Variants in CACNA2D3 observed in about 807,000 individuals in gnomAD.
The protein encoded by CACNA2D3 is voltage-dependent calcium channel subunit alpha-2/delta-3.
Under a neutral mutation model 160.6 loss-of-function variants are expected in CACNA2D3, and 60 were observed. The ratio of observed to expected loss-of-function variants is 0.37; its 90% CI spans 0.30 to 0.46. The LOEUF is 0.46. Among genes scored for constraint, CACNA2D3 ranks in the 20% least tolerant of loss-of-function variants. The pLI is 1.00. For synonymous variants in CACNA2D3, 558 were observed against 492.9 expected, an observed-to-expected ratio of 1.13 and a Z score of -1.75; for missense variants, 1,205 against 1,365.0, an observed-to-expected ratio of 0.88 and a Z score of 1.85.
chr3:54,443,695 A>G (rs1700178171), intron 4 of CACNA2D3, among the ~76,000 whole-genome samples: 1 of 151,964 alleles, frequency 6.6e-6, no homozygotes, highest in African/African-American at 2.4e-5. Flanking sequence ...TTCCTTCCTC[A>G]CTGGGTCGGC....
chr3:54,422,543 C>A (rs571624348), intron 4 of CACNA2D3, among the ~76,000 whole-genome samples: 1 of 152,014 alleles, frequency 6.6e-6, no homozygotes, highest in African/African-American at 2.4e-5. Flanking sequence ...GCAACAGATA[C>A]GAAGAGTGAG....
intron 35 of CACNA2D3, among the ~76,000 whole-genome samples, chr3:55,023,707 G>A (rs1703507201): frequency 6.6e-6 from 1 of 151,962 alleles, no homozygotes. Context: ...CTTCTATCAT[G>A]TATCCTATTA....
chr3:54,729,721 T>G (rs914527005), intron 11 of CACNA2D3, among the ~76,000 whole-genome samples: 1 of 152,178 alleles, frequency 6.6e-6, no homozygotes, highest in Non-Finnish European at 1.5e-5. Flanking sequence ...GTTTATGGGC[T>G]GGGCATGGTG....
Position 54,614,338 on chromosome 3 carries a change from A to G in CACNA2D3, c.964-13449A>G, listed in dbSNP as rs534585578. ...AGGGCAGAGCCTGTCTTACTCAAGCATGAAACTCTTGCCTATTTCATCAAA... is the reference window on the plus strand; with the variant it reads ...AGGGCAGAGCCTGTCTTACTCAAGCGTGAAACTCTTGCCTATTTCATCAAA... On this transcript the variant is annotated intron_variant, in intron 9 of 37. Coordinates refer to ENST00000474759, the MANE Select transcript of CACNA2D3 (RefSeq NM_018398.3). Among the ~76,000 whole-genome samples the G allele has an allele frequency of 2.6e-5, 4 of 152,308 alleles. No individual in the cohort carries two copies. In the South Asian group the frequency reaches 6.2e-4, roughly 24 times the overall value.
At chr3:54,862,830 TA>T (rs1352613795) in intron 17 of CACNA2D3, among the ~76,000 whole-genome samples, 3 of 152,174 alleles carry the variant, frequency 2.0e-5, no homozygotes, top group African/African-American at 7.2e-5. Flanking sequence ...TGTTGATGGA[TA>T]CTACTTTGAG....
chr3:55,018,616 C>T (rs1451379610), intron 35 of CACNA2D3, among the ~76,000 whole-genome samples: 1 of 151,912 alleles, frequency 6.6e-6, no homozygotes, highest in Admixed American at 6.6e-5. Flanking sequence ...TGACGGTTGG[C>T]AATTTGAACT....
intron 5 of CACNA2D3, among the ~76,000 whole-genome samples, chr3:54,549,098 A>G (rs531831771): frequency 6.6e-6 from 1 of 152,300 alleles, no homozygotes; most frequent in Admixed American, 6.5e-5. Context: ...TTGTCTCTCC[A>G]ATATAAATCT....
At chr3:54,897,422 C>T (rs1297336508) in intron 26 of CACNA2D3, among the ~76,000 whole-genome samples, 1 of 152,132 alleles carries the variant, frequency 6.6e-6, no homozygotes, top group Admixed American at 6.5e-5. Context: ...AGTCACCTGC[C>T]TCCAAAAAGA....
At chr3:54,852,341 G>A (rs1401183933) in intron 17 of CACNA2D3, among the ~76,000 whole-genome samples, 1 of 152,220 alleles carries the variant, frequency 6.6e-6, no homozygotes, top group African/African-American at 2.4e-5. Context: ...GAGGCCAGTG[G>A]GTGGAAAGCA....
chr3:54,769,915 G>T (rs1702288795), intron 13 of CACNA2D3, among the ~76,000 whole-genome samples: 1 of 152,068 alleles, frequency 6.6e-6, no homozygotes, highest in Admixed American at 6.5e-5. Context: ...AATGTCTGGG[G>T]GTGGGTGCCT....
intron 11 of CACNA2D3, among the ~76,000 whole-genome samples, chr3:54,725,072 A>G (rs981248093): frequency 2.0e-5 from 3 of 152,242 alleles, no homozygotes; most frequent in African/African-American, 7.2e-5. Flanking sequence ...AAAAAATGAT[A>G]TAGGGGATAT....
chr3:54,250,959 GGAGTAAAGATCT>G (rs1388266992), intron 2 of CACNA2D3, among the ~76,000 whole-genome samples: 1 of 152,050 alleles, frequency 6.6e-6, no homozygotes, highest in Non-Finnish European at 1.5e-5. Context: ...ATGACAGGAA[GGAGTAAAGATCT>G]GAGTAAAGAG....
intron 31 of CACNA2D3, among the ~76,000 whole-genome samples, chr3:55,001,087 A>G (rs138987540): frequency 4.5e-4 from 69 of 152,270 alleles, no homozygotes; most frequent in Admixed American, 3.9e-3. Context: ...TTAGAGGAGT[A>G]CCTCGCTTAT....
chr3:54,931,753 A>C (rs1701196179), intron 27 of CACNA2D3, among the ~76,000 whole-genome samples: 1 of 152,228 alleles, frequency 6.6e-6, no homozygotes, highest in South Asian at 2.1e-4. Context: ...AATGTTTTCT[A>C]ATATGTTAGT....
intron 9 of CACNA2D3, among the ~76,000 whole-genome samples, chr3:54,589,510 T>C (rs1429191327): frequency 6.6e-6 from 1 of 151,526 alleles, no homozygotes; most frequent in Non-Finnish European, 1.5e-5. Flanking sequence ...ACATCAAAAA[T>C]ATAATTTGTA....
At position 54,966,735 on chromosome 3, in the gene CACNA2D3, C is replaced by T. The variant is rs58700009; in HGVS notation, c.2450-1715C>T. Among the ~76,000 whole-genome samples the T allele has an allele frequency of 1.8e-4, 27 of 152,248 alleles. No homozygotes were observed. The East Asian group carries it at 4.8e-3, about 27-fold the overall frequency. The stretch of plus-strand genomic sequence containing the variant: ...TCGGGAGGCTGAGGCATGAGAATCA[C>T]TTGAACCCGGGAAGCAGAGGTTGCA... On this transcript the variant is annotated intron_variant, in intron 27 of 37. Coordinates refer to ENST00000474759, the MANE Select transcript of CACNA2D3 (RefSeq NM_018398.3).
intron 2 of CACNA2D3, among the ~76,000 whole-genome samples, chr3:54,222,510 C>T (rs1701594119): frequency 6.6e-6 from 1 of 152,216 alleles, no homozygotes; most frequent in South Asian, 2.1e-4. Flanking sequence ...GGGCAATCTT[C>T]TTTACTGAGT....
At chr3:54,210,053 A>G (rs1392677777) in intron 2 of CACNA2D3, among the ~76,000 whole-genome samples, 1 of 152,162 alleles carries the variant, frequency 6.6e-6, no homozygotes, top group Non-Finnish European at 1.5e-5. Flanking sequence ...CCATACCTTG[A>G]TGGGGCTTAT....
chr3:54,242,141 C>A (rs1701985482), intron 2 of CACNA2D3, among the ~76,000 whole-genome samples: 1 of 152,150 alleles, frequency 6.6e-6, no homozygotes, highest in Non-Finnish European at 1.5e-5. Flanking sequence ...ATAGAACATG[C>A]TGGGCACAGT....
Sources: gnomAD v4.1 joint callset for allele counts (sites outside exome capture counted in the v4.1 genomes callset) on GRCh38, gnomAD v4.1.1 for gene constraint, MANE v1.5 for transcripts, NCBI Gene and HGNC (gene_info 2026-07-23, HGNC 2026-07-21) for gene names.